SPHKAP: variants seen among roughly 807,000 people sequenced by gnomAD.
The protein encoded by SPHKAP is SPHK1 interactor, AKAP domain containing.
SPHKAP carries 67 observed loss-of-function variants against 137.5 expected under a neutral mutation model. The observed-to-expected ratio is 0.49, with a 90% CI of 0.40 to 0.60. The LOEUF (loss-of-function observed/expected upper bound fraction) is 0.60, where lower values mean the gene tolerates loss of function less well. Ranked by LOEUF, SPHKAP falls within the 20% of genes least tolerant of loss-of-function variation. The probability of loss-of-function intolerance (pLI) is 0.00; values close to 1 mark genes in which losing one functional copy is unlikely to be tolerated. For synonymous variants in SPHKAP, 813 were observed against 785.3 expected (o/e 1.04, Z -0.59); for missense variants, 2,097 against 2,069.3 (o/e 1.01, Z -0.26).
intron 2 of SPHKAP, among the ~76,000 whole-genome samples, chr2:228,117,872 C>G (rs1449385261): frequency 6.9e-6 from 1 of 144,294 alleles, no homozygotes; most frequent in Non-Finnish European, 1.5e-5. Context: ...AAGAAAATTG[C>G]AAAATTTTAT....
At chr2:228,011,265 T>G (rs1574742284) in intron 7 of SPHKAP, among the ~76,000 whole-genome samples, 1 of 150,970 alleles carries the variant, frequency 6.6e-6, no homozygotes, top group Admixed American at 6.6e-5. Flanking sequence ...ACTCTTCTGG[T>G]GGGTGAACTT....
At position 228,018,169 on chromosome 2, in the gene SPHKAP, G is replaced by A. The variant is rs188115157; in HGVS notation, c.2685C>T (p.Asn895=). 4.3e-5 allele frequency: 69 copies of A among 1,614,172 alleles called. No homozygotes were observed. The South Asian group carries it at 5.4e-4, about 13-fold the overall frequency. The change falls in exon 7 of 12, where the codon AAC becomes AAT. Residue 895 remains asparagine (N), a synonymous_variant. Transcript: ENST00000392056. ...EKYNCATSRI[N]EVQVNLSLLG... Reference sequence around the variant, plus strand: ...ACAAGGACAGGTTGACTTGAACTTCGTTGATGCGAGATGTGGCACAGTTGT... The same window carrying A: ...ACAAGGACAGGTTGACTTGAACTTCATTGATGCGAGATGTGGCACAGTTGT...
chr2:228,010,416 CAGCTA>C (rs1057005364), intron 7 of SPHKAP, among the ~76,000 whole-genome samples: 1 of 152,160 alleles, frequency 6.6e-6, no homozygotes, highest in Admixed American at 6.5e-5. Flanking sequence ...CCTGTAGTCC[CAGCTA>C]CTCGGGAGGC....
intron 3 of SPHKAP, among the ~76,000 whole-genome samples, chr2:228,041,226 G>A (rs1695827429): frequency 6.6e-6 from 1 of 151,914 alleles, no homozygotes; most frequent in African/African-American, 2.4e-5. Context: ...TCCACTACAT[G>A]CTAACACTAG....
Position 228,018,406 on chromosome 2 carries a change from A to C in SPHKAP, c.2448T>G (p.Arg816=), listed in dbSNP as rs1219188921. 1 of 1,614,116 alleles carries C rather than the reference A, an allele frequency of 6.2e-7. No individual in the cohort carries two copies. Among genetic ancestry groups the C allele is most frequent in the South Asian group, 1.1e-5 (1 of 91,076 alleles). The part of the protein sequence containing the change: ...KNPTLQSQLS[R]SHRVPDSSTA... ...TTGAAGAATCGGGCACTCTGTGACT[A>C]CGTGATAATTGTGACTGCAGCGTGG... Residue 816 remains arginine (R), a synonymous_variant, in exon 7 of 12, where the codon CGT becomes CGG. Coordinates refer to ENST00000392056, the MANE Select transcript of SPHKAP (RefSeq NM_001142644.2).
At chr2:228,027,794 T>G (rs1400768134) in intron 3 of SPHKAP, among the ~76,000 whole-genome samples, 2 of 151,726 alleles carry the variant, frequency 1.3e-5, no homozygotes, top group East Asian at 3.9e-4. Context: ...GGTGAAACAC[T>G]GTCTCTACTA....
In SPHKAP at chr2:228,039,843, T is replaced by A. The variant is rs569996522; in HGVS notation, c.247-12300A>T. 2.9e-4 allele frequency among the ~76,000 whole-genome samples: 44 copies of A among 152,330 alleles called. No individual in the cohort carries two copies. The South Asian group carries it at 9.1e-3, about 32-fold the overall frequency. On this transcript the variant is annotated intron_variant, in intron 3 of 11. Coordinates refer to ENST00000392056, the MANE Select transcript of SPHKAP (RefSeq NM_001142644.2). ...AATTGTTGGGATCAAATCCATATCA[T>A]AAGTGCAGTTTTATGTTTTCATGTA...
chr2:228,176,456 T>C (rs9678562), intron 1 of SPHKAP, among the ~76,000 whole-genome samples: 17,764 of 152,184 alleles, frequency 0.12, 1,053 homozygotes, highest in East Asian at 0.2. Flanking sequence ...AGTATATCCA[T>C]AGAAGATAAG....
chr2:228,157,693 T>G (rs1410328714), intron 1 of SPHKAP, among the ~76,000 whole-genome samples: 1 of 152,120 alleles, frequency 6.6e-6, no homozygotes, highest in Non-Finnish European at 1.5e-5. Flanking sequence ...AGGTGTCATT[T>G]TGCGGGGAAG....
Position 227,994,204 on chromosome 2 carries a change from T to A in SPHKAP, c.4635-584A>T, listed in dbSNP as rs1025474183. 4.2e-5 allele frequency: 13 copies of A among 310,492 alleles called. No individual in the cohort carries two copies. The Admixed American group carries it at 6.5e-4, about 15-fold the overall frequency. 19.2% of individuals were successfully genotyped at this position (310,492 alleles called of 1,614,324 possible). On this transcript the variant is annotated intron_variant, in intron 8 of 11. Coordinates refer to ENST00000392056, the MANE Select transcript of SPHKAP (RefSeq NM_001142644.2). ...ACAAAGCTGGGCAATGTCAATGTTTTATCACTCCTTTATCTTACAATCTTC... is the reference window on the plus strand; with the variant it reads ...ACAAAGCTGGGCAATGTCAATGTTTAATCACTCCTTTATCTTACAATCTTC...
chr2:228,093,876 A>AAAAC (rs1697896712), intron 3 of SPHKAP, among the ~76,000 whole-genome samples: 2 of 150,880 alleles, frequency 1.3e-5, no homozygotes, highest in Non-Finnish European at 3.0e-5. Context: ...AAAAAAAAAA[A>AAAAC]AAAAAAAAAA....
Position 228,004,197 on chromosome 2 carries a change from T to G in SPHKAP, c.4449-8503A>C, listed in dbSNP as rs535758006. On this transcript the variant is annotated intron_variant, in intron 7 of 11. Transcript: ENST00000392056. The stretch of plus-strand genomic sequence containing the variant: ...CTGTGAATCCATCTGGTCCTGGGCT[T>G]TTTTTGGTTGGTAGGCTATTAATTA... Among the ~76,000 whole-genome samples the G allele has an allele frequency of 2.6e-5, 4 of 152,240 alleles. No homozygotes were observed. In the East Asian group the frequency reaches 7.7e-4, roughly 29 times the overall value.
intron 3 of SPHKAP, among the ~76,000 whole-genome samples, chr2:228,107,400 T>C (rs1002853757): frequency 6.6e-6 from 1 of 152,064 alleles, no homozygotes; most frequent in African/African-American, 2.4e-5. Context: ...TTTGTATAGG[T>C]TTTTCCCATT....
chr2:228,112,817 T>C (rs1192244129), intron 2 of SPHKAP, among the ~76,000 whole-genome samples: 1 of 152,068 alleles, frequency 6.6e-6, no homozygotes, highest in Non-Finnish European at 1.5e-5. Flanking sequence ...TAAAAATAAA[T>C]AACTAAAAAT....
chr2:228,123,455 T>C (rs753312170), intron 2 of SPHKAP, among the ~76,000 whole-genome samples: 2 of 152,248 alleles, frequency 1.3e-5, no homozygotes, highest in Admixed American at 6.5e-5. Flanking sequence ...GAGATGTGAA[T>C]AAGCTCAATA....
At chr2:228,015,336 G>T (rs1694540237) in intron 7 of SPHKAP, among the ~76,000 whole-genome samples, 2 of 151,618 alleles carry the variant, frequency 1.3e-5, no homozygotes, top group African/African-American at 2.4e-5. Flanking sequence ...GGACATTTGG[G>T]TTGGTTCCAA....
chr2:228,036,201 C>G (rs1318910118), intron 3 of SPHKAP, among the ~76,000 whole-genome samples: 1 of 150,952 alleles, frequency 6.6e-6, no homozygotes, highest in South Asian at 2.1e-4. Flanking sequence ...AAACAAACAA[C>G]CCCATCAAAA....
chr2:228,127,032 G>C lies in SPHKAP; in HGVS notation c.138+4948C>G, dbSNP rs537061999. On this transcript the variant is annotated intron_variant, in intron 2 of 11. Transcript: ENST00000392056. ...TATGTCAGTTCTAATAAAAAGATTT[G>C]ATGAGGAAAAAGATGACACGATTAC... Among the ~76,000 whole-genome samples, 5 of 152,266 alleles carry C rather than the reference G, an allele frequency of 3.3e-5. No individual in the cohort carries two copies. In the South Asian group the frequency reaches 1.0e-3, roughly 32 times the overall value.
chr2:228,019,220 T>C lies in SPHKAP; in HGVS notation c.1634A>G (p.Lys545Arg). ...GGAGTACTCATTGATGGAAGGTTCC[T>C]TGAGTCCTTGGGGTGCTTGAGTTTG... Reference protein sequence around the residue: ...ALQTQAPQGLKEPSINEYSFP... With the variant: ...ALQTQAPQGLREPSINEYSFP... The change falls in exon 7 of 12, where the codon AAG becomes AGG. Residue 545 changes from lysine to arginine, a missense_variant. Transcript: ENST00000392056. The C allele has an allele frequency of 6.2e-7, 1 of 1,613,898 alleles. No individual in the cohort carries two copies. Among genetic ancestry groups the C allele is most frequent in the Non-Finnish European group, 8.5e-7 (1 of 1,180,036 alleles).
Sources: gnomAD v4.1 joint callset for allele counts (sites outside exome capture counted in the v4.1 genomes callset) on GRCh38, gnomAD v4.1.1 for gene constraint, MANE v1.5 for transcripts, NCBI Gene and HGNC (gene_info 2026-07-23, HGNC 2026-07-21) for gene names.